The following VWA5B2 variants were observed in gnomAD, a reference collection of about 807,000 sequenced individuals.
The protein encoded by VWA5B2 is von Willebrand factor A domain-containing protein 5B2.
A neutral mutation model predicts 118.5 loss-of-function variants in VWA5B2; 93 were observed. The observed-to-expected ratio is 0.79, with a 90% CI of 0.66 to 0.93. The LOEUF is 0.93. Among genes scored for constraint, VWA5B2 ranks in the 40% least tolerant of loss-of-function variants. The pLI is 0.00. For missense variants in VWA5B2, 1,546 were observed against 1,672.8 expected (o/e 0.92, Z 1.32); for synonymous variants, 708 against 716.3 (o/e 0.99, Z 0.19).
Position 184,239,499 on chromosome 3 carries a change from C to A in VWA5B2, c.2308C>A (p.Pro770Thr). The A allele has an allele frequency of 1.3e-6, 2 of 1,550,072 alleles. No homozygotes were observed. Among genetic ancestry groups the A allele is most frequent in the East Asian group, 2.4e-5 (1 of 40,878 alleles). ...CCGGGCAAACCAAGTCCCCGGCCGA[C>A]CCCGGAAACCCTCTTTGGGTGCAAT... Reference protein sequence around the residue: ...PGRANQVPGRPRKPSLGAILD... With the variant: ...PGRANQVPGRTRKPSLGAILD... Residue 770 changes from proline to threonine, a missense_variant, in exon 15 of 20, where the codon CCC becomes ACC. By Grantham distance (38) the Pro-to-Thr change is conservative. Coordinates refer to ENST00000691901, the MANE Select transcript of VWA5B2 (RefSeq NM_001390846.1). This position sits in a 1 kb window ranked among gnomAD's most constrained non-coding sequence, Gnocchi z 5.1.
In VWA5B2 at chr3:184,233,880, G is replaced by T. The variant is rs1560151742; in HGVS notation, c.688+147G>T. 1.7e-6 allele frequency: 2 copies of T among 1,161,698 alleles called. No homozygotes were observed. Among genetic ancestry groups the T allele is most frequent in the African/African-American group, 1.6e-5 (1 of 64,480 alleles). The allele number at this position is 1,161,698 out of a possible 1,614,324, so 72.0% of individuals were successfully genotyped here. A position where few individuals can be genotyped will look rare whatever the true frequency, so the allele number is the denominator to read the frequency against. ...CTCCGGAACATCTGGGTTAGTGGTG[G>T]GAGCATCCCCTGGTCACCTCTACCC... On this transcript the variant is annotated intron_variant, in intron 5 of 19. Coordinates refer to ENST00000691901, the MANE Select transcript of VWA5B2 (RefSeq NM_001390846.1). This position sits in a 1 kb window ranked among gnomAD's most constrained non-coding sequence, Gnocchi z 5.2.
chr3:184,233,859 G>C lies in VWA5B2; in HGVS notation c.688+126G>C, dbSNP rs1344109136. On this transcript the variant is annotated intron_variant, in intron 5 of 19. Coordinates refer to ENST00000691901, the MANE Select transcript of VWA5B2 (RefSeq NM_001390846.1). The surrounding 1 kb of genome is among the most constrained non-coding windows in gnomAD (Gnocchi z 5.2). Reference sequence around the variant, plus strand: ...CAAAAAGACAGGGACCCCAGCCTCCGGAACATCTGGGTTAGTGGTGGGAGC... The same window carrying C: ...CAAAAAGACAGGGACCCCAGCCTCCCGAACATCTGGGTTAGTGGTGGGAGC... 1 of 1,310,654 alleles carries C rather than the reference G, an allele frequency of 7.6e-7. No individual in the cohort carries two copies. The highest frequency in any genetic ancestry group is 1.0e-6 in the Non-Finnish European group (1 of 972,978). The allele number at this position is 1,310,654 out of a possible 1,614,324, so 81.2% of individuals were successfully genotyped here. A position where few individuals can be genotyped will look rare whatever the true frequency, so the allele number is the denominator to read the frequency against.
chr3:184,230,396 T>A lies in VWA5B2; in HGVS notation c.-133T>A. On this transcript the variant is annotated 5_prime_UTR_variant, in exon 2 of 20. Transcript: ENST00000691901. ...CGCCCTCAGGAGCTCCCGCTCGGCC[T>A]CGCGCCCCGGCAGGCCCCGTCCGGG... is the stretch of plus-strand genomic sequence containing the variant. 1 of 1,139,074 alleles carries A rather than the reference T, an allele frequency of 8.8e-7. No homozygotes were observed. Among genetic ancestry groups the A allele is most frequent in the Non-Finnish European group, 1.1e-6 (1 of 882,940 alleles). 70.6% of individuals were successfully genotyped at this position (1,139,074 alleles called of 1,614,324 possible).
Position 184,238,801 on chromosome 3 carries a change from C to T in VWA5B2, c.2130C>T (p.Arg710=). Residue 710 remains arginine (R), a synonymous_variant, in exon 14 of 20, where the codon CGC becomes CGT. Coordinates refer to ENST00000691901, the MANE Select transcript of VWA5B2 (RefSeq NM_001390846.1). This position sits in a 1 kb window ranked among gnomAD's most constrained non-coding sequence, Gnocchi z 5.0. The part of the protein sequence containing the change: ...PLEPPSQQGC[R]SLAWGEPAGS... ...AGCCCCCTTCTCAGCAGGGCTGCCGCAGTCTGGCCTGGGGAGAACCTGCAG... is the reference window on the plus strand; with the variant it reads ...AGCCCCCTTCTCAGCAGGGCTGCCGTAGTCTGGCCTGGGGAGAACCTGCAG... The T allele has an allele frequency of 6.5e-7, 1 of 1,545,914 alleles. No individual in the cohort carries two copies. The highest frequency in any genetic ancestry group is 8.7e-7 in the Non-Finnish European group (1 of 1,143,014).
Position 184,239,826 on chromosome 3 carries a change from C to A in VWA5B2, c.2530C>A (p.Arg844=). The A allele has an allele frequency of 6.4e-7, 1 of 1,551,190 alleles. No individual in the cohort carries two copies. Among genetic ancestry groups the A allele is most frequent in the Non-Finnish European group, 8.7e-7 (1 of 1,146,650 alleles). Residue 844 remains arginine (R), a synonymous_variant, in exon 16 of 20, where the codon CGG becomes AGG. Transcript: ENST00000691901. This position sits in a 1 kb window ranked among gnomAD's most constrained non-coding sequence, Gnocchi z 5.1. ...GGCTCCACGCTGCCATGTGGTGATC[C>A]GGGGCCTGTGTGGGGAGCAGCCCAT... The part of the protein sequence containing the change: ...PQAPRCHVVI[R]GLCGEQPMCW...
In VWA5B2 at chr3:184,230,504, C is replaced by A; in HGVS notation, c.-25C>A. Reference sequence around the variant, plus strand: ...CTGCGCCCAGCTTCCCCGGCCCGTTCCCGCAGGGCCGGCCTCCCGGCGCCA... The same window carrying A: ...CTGCGCCCAGCTTCCCCGGCCCGTTACCGCAGGGCCGGCCTCCCGGCGCCA... On this transcript the variant is annotated 5_prime_UTR_variant, in exon 2 of 20. Transcript: ENST00000691901. The A allele has an allele frequency of 1.4e-6, 2 of 1,434,398 alleles. No homozygotes were observed. Among genetic ancestry groups the A allele is most frequent in the South Asian group, 2.8e-5 (2 of 70,908 alleles). The allele number at this position is 1,434,398 out of a possible 1,614,324, so 88.9% of individuals were successfully genotyped here.
In VWA5B2 at chr3:184,241,427, G is replaced by T; in HGVS notation, c.3180+23G>T. Reference sequence around the variant, plus strand: ...TTGGTGAGGACTCGGGAGGTGGAGGGTGGTGCCGCCGGGGCCGGGCGCTGT... The same window carrying T: ...TTGGTGAGGACTCGGGAGGTGGAGGTTGGTGCCGCCGGGGCCGGGCGCTGT... On this transcript the variant is annotated intron_variant, in intron 19 of 19. Transcript: ENST00000691901. This position sits in a 1 kb window ranked among gnomAD's most constrained non-coding sequence, Gnocchi z 5.1. 6.3e-7 allele frequency: 1 copy of T among 1,575,570 alleles called. No individual in the cohort carries two copies. Among genetic ancestry groups the T allele is most frequent in the South Asian group, 1.2e-5 (1 of 85,796 alleles).
intron 8 of VWA5B2, 74 bp downstream of exon 8, chr3:184,235,382 C>T (rs1717869498): frequency 3.4e-6 from 5 of 1,481,170 alleles, no homozygotes; most frequent in South Asian, 2.5e-5. Context: ...TGGGGGCAGC[C>T]TCTTGAAGCC....
chr3:184,239,489 C>T lies in VWA5B2; in HGVS notation c.2298C>T (p.Val766=), dbSNP rs150461404. The T allele has an allele frequency of 1.9e-4, 287 of 1,549,712 alleles. 2 individuals are homozygous for T. In the East Asian group the frequency reaches 6.2e-3, roughly 34 times the overall value. The change falls in exon 15 of 20, where the codon GTC becomes GTT. Residue 766 remains valine, a synonymous_variant. Coordinates refer to ENST00000691901, the MANE Select transcript of VWA5B2 (RefSeq NM_001390846.1). The surrounding 1 kb of genome is among the most constrained non-coding windows in gnomAD (Gnocchi z 5.1). Reference sequence around the variant, plus strand: ...CCCCTCCAGGCCGGGCAAACCAAGTCCCCGGCCGACCCCGGAAACCCTCTT... The same window carrying T: ...CCCCTCCAGGCCGGGCAAACCAAGTTCCCGGCCGACCCCGGAAACCCTCTT... The part of the protein sequence containing the change: ...LSSPPGRANQ[V]PGRPRKPSLG...
At position 184,237,434 on chromosome 3, in the gene VWA5B2, TA is replaced by T. The variant is rs1560154729; in HGVS notation, c.1719+24del. On this transcript the variant is annotated intron_variant, in intron 12 of 19. Transcript: ENST00000691901. The surrounding 1 kb of genome is among the most constrained non-coding windows in gnomAD (Gnocchi z 5.6). ...GGGGTAAGCTTGGGCTGGGGTGTGGTAGGGGGGCTAGGGTGAGGTAGGGGGG... is the reference window on the plus strand; with the variant it reads ...GGGGTAAGCTTGGGCTGGGGTGTGGTGGGGGGCTAGGGTGAGGTAGGGGGG... 1.3e-6 allele frequency: 2 copies of T among 1,532,830 alleles called. No homozygotes were observed. The highest frequency in any genetic ancestry group is 2.0e-5 in the Admixed American group (1 of 50,366). The allele number at this position is 1,532,830 out of a possible 1,614,324, so 95.0% of individuals were successfully genotyped here.
At chr3:184,231,060 G>T (rs987305698) in intron 3 of VWA5B2, 143 bp downstream of exon 3, 11 of 1,183,182 alleles carry the variant, frequency 9.3e-6, no homozygotes, top group Non-Finnish European at 1.2e-5. Context: ...TTTAGCAGTC[G>T]TGGGCTGGGC....
intron 11 of VWA5B2, 119 bp downstream of exon 11, chr3:184,236,868 T>A: frequency 1.2e-6 from 1 of 844,356 alleles, no homozygotes. Context: ...CACCAGGCCT[T>A]CTCCCCACTC....
Position 184,241,671 on chromosome 3 carries a change from G to A in VWA5B2, c.3362G>A (p.Ser1121Asn). 1 of 1,530,292 alleles carries A rather than the reference G, an allele frequency of 6.5e-7. No homozygotes were observed. Among genetic ancestry groups the A allele is most frequent in the South Asian group, 1.2e-5 (1 of 83,640 alleles). 94.8% of individuals were successfully genotyped at this position (1,530,292 alleles called of 1,614,324 possible). ...LLGPGVGQGD[S>N]ATASCSPSPS... Reference sequence around the variant, plus strand: ...GGCCCTGGTGTTGGCCAGGGTGACAGTGCCACGGCCTCCTGCAGCCCGTCC... The same window carrying A: ...GGCCCTGGTGTTGGCCAGGGTGACAATGCCACGGCCTCCTGCAGCCCGTCC... The change falls in exon 20 of 20, where the codon AGT (serine) becomes AAT (asparagine). Residue 1121 changes from serine to asparagine, a missense_variant. Ser to Asn is a conservative substitution (Grantham distance 46). Coordinates refer to ENST00000691901, the MANE Select transcript of VWA5B2 (RefSeq NM_001390846.1). This position sits in a 1 kb window ranked among gnomAD's most constrained non-coding sequence, Gnocchi z 5.1.
chr3:184,237,553 TC>T lies in VWA5B2; in HGVS notation c.1719+144del. 1.1e-6 allele frequency: 1 copy of T among 888,594 alleles called. No individual in the cohort carries two copies. Among genetic ancestry groups the T allele is most frequent in the Non-Finnish European group, 1.7e-6 (1 of 600,288 alleles). 55.0% of individuals were successfully genotyped at this position (888,594 alleles called of 1,614,324 possible). On this transcript the variant is annotated intron_variant, in intron 12 of 19. Transcript: ENST00000691901. This position sits in a 1 kb window ranked among gnomAD's most constrained non-coding sequence, Gnocchi z 5.6. ...AAGCTTCTCTACTATCCCCTAGGACTCCACAGAGATCACACTGGGCCCCCTA... is the reference window on the plus strand; with the variant it reads ...AAGCTTCTCTACTATCCCCTAGGACTCACAGAGATCACACTGGGCCCCCTA...
chr3:184,234,837 A>G (rs1717803932), intron 7 of VWA5B2, 82 bp downstream of exon 7: 2 of 1,536,586 alleles, frequency 1.3e-6, no homozygotes, highest in Admixed American at 2.0e-5. Flanking sequence ...TTACATTGGA[A>G]TGGGTGCGGG....
rs537084109 is a variant in VWA5B2, at chr3:184,234,683, A to G, written c.873A>G (p.Glu291=). 3.9e-6 allele frequency: 6 copies of G among 1,551,340 alleles called. No individual in the cohort carries two copies. In the South Asian group the frequency reaches 4.8e-5, roughly 12 times the overall value. ...AGGGCGGCAGCCTGAGCTCAGCAGAATATGAGGCCCGGGTGAGGGCCCGCC... is the reference window on the plus strand; with the variant it reads ...AGGGCGGCAGCCTGAGCTCAGCAGAGTATGAGGCCCGGGTGAGGGCCCGCC... The part of the protein sequence containing the change: ...MLEGGSLSSA[E]YEARVRARRD... The change falls in exon 7 of 20, where the codon GAA becomes GAG. Residue 291 remains glutamate, a synonymous_variant. Coordinates refer to ENST00000691901, the MANE Select transcript of VWA5B2 (RefSeq NM_001390846.1).
Position 184,238,675 on chromosome 3 carries a change from C to T in VWA5B2, c.2004C>T (p.Thr668=). The change falls in exon 14 of 20, where the codon ACC becomes ACT. Residue 668 remains threonine (T), a synonymous_variant. Coordinates refer to ENST00000691901, the MANE Select transcript of VWA5B2 (RefSeq NM_001390846.1). The surrounding 1 kb of genome is among the most constrained non-coding windows in gnomAD (Gnocchi z 5.0). ...SSYIREQYVL[T]HCSASPEPGP... Reference sequence around the variant, plus strand: ...ACATTCGGGAGCAGTATGTGCTCACCCACTGCTCTGCCAGCCCCGAGCCAG... The same window carrying T: ...ACATTCGGGAGCAGTATGTGCTCACTCACTGCTCTGCCAGCCCCGAGCCAG... 6.4e-7 allele frequency: 1 copy of T among 1,551,420 alleles called. No individual in the cohort carries two copies. Among genetic ancestry groups the T allele is most frequent in the Non-Finnish European group, 8.7e-7 (1 of 1,147,018 alleles).
chr3:184,237,522 T>G lies in VWA5B2; in HGVS notation c.1719+111T>G. 8.4e-7 allele frequency: 1 copy of G among 1,187,070 alleles called. No individual in the cohort carries two copies. The highest frequency in any genetic ancestry group is 2.6e-5 in the East Asian group (1 of 38,914). The allele number at this position is 1,187,070 out of a possible 1,614,324, so 73.5% of individuals were successfully genotyped here. A position where few individuals can be genotyped will look rare whatever the true frequency, so the allele number is the denominator to read the frequency against. On this transcript the variant is annotated intron_variant, in intron 12 of 19. Coordinates refer to ENST00000691901, the MANE Select transcript of VWA5B2 (RefSeq NM_001390846.1). This position sits in a 1 kb window ranked among gnomAD's most constrained non-coding sequence, Gnocchi z 5.6. ...CCTTTTTCCATTCTCTGTGCCTCTC[T>G]CTACCAAGCTTCTCTACTATCCCCT...
Position 184,239,659 on chromosome 3 carries a change from G to C in VWA5B2, c.2393-30G>C. 3 of 1,469,446 alleles carry C rather than the reference G, an allele frequency of 2.0e-6. No individual in the cohort carries two copies. The highest frequency in any genetic ancestry group is 2.5e-5 in the East Asian group (1 of 40,000). 91.0% of individuals were successfully genotyped at this position (1,469,446 alleles called of 1,614,324 possible). ...GAGGTAAAGCCCAGAGGACCACTCT[G>C]CCCATGCCCCTGCTGTCTTGCCTCC... On this transcript the variant is annotated intron_variant, in intron 15 of 19. Transcript: ENST00000691901. This position sits in a 1 kb window ranked among gnomAD's most constrained non-coding sequence, Gnocchi z 5.1.
Sources: allele counts gnomAD v4.1 joint callset, GRCh38; gene constraint gnomAD v4.1.1; non-coding constraint Gnocchi (gnomAD v3.1); transcripts MANE v1.5; gene names NCBI Gene and HGNC (gene_info 2026-07-23, HGNC 2026-07-21).